BCO1: variants seen among roughly 807,000 people sequenced by gnomAD.
The protein encoded by BCO1 is beta-carotene oxygenase 1.
In BCO1, 54 loss-of-function variants were observed where a neutral mutation model predicts 56.3. The observed-to-expected ratio is 0.96, with a 90% CI of 0.77 to 1.20. The LOEUF is 1.20. Ranked by LOEUF, BCO1 falls within the 50% of genes most tolerant of loss-of-function variation. The pLI is 0.00. For missense variants in BCO1, 801 were observed against 690.9 expected (o/e 1.16, Z -1.79); for synonymous variants, 318 against 266.1 (o/e 1.20, Z -1.90).
At chr16:81,251,872 A>ATGTGTGTGTGTGTGTG (rs773100922) in intron 2 of BCO1, among the ~76,000 whole-genome samples, 6 of 117,280 alleles carry the variant, frequency 5.1e-5, no homozygotes, top group African/African-American at 2.6e-4. Context: ...ACACACACAT[A>ATGTGTGTGTGTGTGTG]TATGTGTGTG....
chr16:81,251,662 T>C (rs997313186), intron 2 of BCO1, among the ~76,000 whole-genome samples: 2 of 151,896 alleles, frequency 1.3e-5, no homozygotes, highest in Non-Finnish European at 2.9e-5. Context: ...GAACACTCCT[T>C]TCTGTACATC....
intron 1 of BCO1, among the ~76,000 whole-genome samples, chr16:81,241,059 C>G (rs1026439951): frequency 1.3e-5 from 2 of 152,096 alleles, no homozygotes; most frequent in Admixed American, 6.5e-5. Flanking sequence ...GTCGCAAACT[C>G]CCAACCTCAG....
At chr16:81,246,605 C>G (rs894698141) in intron 2 of BCO1, among the ~76,000 whole-genome samples, 22 of 127,718 alleles carry the variant, frequency 1.7e-4, no homozygotes, top group Admixed American at 1.0e-3. Context: ...AATTCCATCA[C>G]TTTGGGAGGC....
intron 7 of BCO1, among the ~76,000 whole-genome samples, chr16:81,270,692 C>CTCTGTGTGTGTGTGTGTG (rs146010684): frequency 1.0e-4 from 15 of 143,692 alleles, no homozygotes; most frequent in South Asian, 2.3e-4. Context: ...CTCTCTGTGT[C>CTCTGTGTGTGTGTGTGTG]TGTGTGTGTG....
intron 2 of BCO1, among the ~76,000 whole-genome samples, chr16:81,249,316 G>A (rs547092911): frequency 2.2e-4 from 34 of 151,940 alleles, no homozygotes; most frequent in Non-Finnish European, 3.5e-4. Context: ...GAGTGCAGTG[G>A]CACGATCTCG....
intron 7 of BCO1, among the ~76,000 whole-genome samples, chr16:81,277,041 G>A (rs1907597611): frequency 1.4e-5 from 2 of 145,302 alleles, no homozygotes; most frequent in African/African-American, 5.1e-5. Flanking sequence ...TATTCCGCCT[G>A]GATGACAGAG....
intron 3 of BCO1, among the ~76,000 whole-genome samples, chr16:81,260,924 C>G (rs1465623497): frequency 6.6e-6 from 1 of 152,220 alleles, no homozygotes; most frequent in Non-Finnish European, 1.5e-5. Flanking sequence ...TTCTGAAACT[C>G]TCTAGATGTA....
At chr16:81,252,626 C>A (rs1043758146) in intron 2 of BCO1, among the ~76,000 whole-genome samples, 1 of 152,170 alleles carries the variant, frequency 6.6e-6, no homozygotes, top group Admixed American at 6.5e-5. Flanking sequence ...GGTGGTGACT[C>A]CCAGCAACAG....
At chr16:81,244,027 C>A (rs1333690931) in intron 1 of BCO1, among the ~76,000 whole-genome samples, 1 of 152,254 alleles carries the variant, frequency 6.6e-6, no homozygotes, top group Non-Finnish European at 1.5e-5. Context: ...ATTCTGCATC[C>A]ATCACTGGGT....
At chr16:81,263,472 A>G (rs1248664364) in intron 4 of BCO1, 1 of 152,176 alleles carries the variant, frequency 6.6e-6, no homozygotes, top group Non-Finnish European at 1.5e-5. Flanking sequence ...ACTTAATGAC[A>G]TCTATAAAGA....
intron 1 of BCO1, among the ~76,000 whole-genome samples, chr16:81,242,501 C>T (rs751444684): frequency 2.6e-5 from 4 of 152,064 alleles, no homozygotes; most frequent in East Asian, 1.9e-4. Context: ...GCGCTGGCCT[C>T]GGCTGTCATT....
At chr16:81,262,017 C>G (rs367813216) in intron 3 of BCO1, 119 bp from the exon 4 acceptor site, 3 of 1,253,024 alleles carry the variant, frequency 2.4e-6, no homozygotes, top group African/African-American at 2.9e-5. Context: ...GCTGGGATTA[C>G]AGGCACCCGG....
intron 2 of BCO1, among the ~76,000 whole-genome samples, chr16:81,248,487 T>C (rs986524266): frequency 2.0e-5 from 3 of 152,032 alleles, no homozygotes; most frequent in Non-Finnish European, 4.4e-5. Context: ...GTGTACTCTA[T>C]GCCAGTGCCT....
intron 5 of BCO1, among the ~76,000 whole-genome samples, chr16:81,266,617 T>TA (rs1449051545): frequency 1.3e-5 from 2 of 152,116 alleles, no homozygotes; most frequent in Admixed American, 6.5e-5. Flanking sequence ...AAGCTCAGAA[T>TA]CCTAGAATGC....
At chr16:81,266,331 C>A (rs1027147560) in intron 5 of BCO1, among the ~76,000 whole-genome samples, 1 of 152,142 alleles carries the variant, frequency 6.6e-6, no homozygotes, top group Non-Finnish European at 1.5e-5. Context: ...CTCCTGGGAA[C>A]CACACCCAGG....
chr16:81,287,327 C>G lies in BCO1; in HGVS notation c.1335C>G (p.Ser445=). 4 of 1,614,042 alleles carry G rather than the reference C, an allele frequency of 2.5e-6. No homozygotes were observed. The highest frequency in any genetic ancestry group is 3.4e-6 in the Non-Finnish European group (4 of 1,179,922). ...IIKYDILTKS[S]LKWREDDCWP... ...AATATGACATTCTCACAAAGTCATC[C>G]TTAAAATGGAGAGAGGACGACTGCT... The change falls in exon 10 of 11, where the codon TCC becomes TCG. Residue 445 remains serine, a synonymous_variant. Transcript: ENST00000258168.
chr16:81,242,117 C>T (rs565682179), intron 1 of BCO1, among the ~76,000 whole-genome samples: 40 of 151,850 alleles, frequency 2.6e-4, no homozygotes, highest in African/African-American at 9.7e-4. Flanking sequence ...TCAAGCCTGC[C>T]CCCTCTCCTG....
At chr16:81,287,784 G>A (rs996741869) in intron 10 of BCO1, among the ~76,000 whole-genome samples, 1 of 152,132 alleles carries the variant, frequency 6.6e-6, no homozygotes, top group Non-Finnish European at 1.5e-5. Flanking sequence ...GCTTCCAGGT[G>A]CCTCTCCAAG....
At chr16:81,261,122 A>G (rs1183611293) in intron 3 of BCO1, among the ~76,000 whole-genome samples, 1 of 152,212 alleles carries the variant, frequency 6.6e-6, no homozygotes, top group Non-Finnish European at 1.5e-5. Flanking sequence ...AGGAGGAAAG[A>G]GCAAAGGAAT....
Sources: gnomAD v4.1 joint callset for allele counts (sites outside exome capture counted in the v4.1 genomes callset) on GRCh38, gnomAD v4.1.1 for gene constraint, MANE v1.5 for transcripts, NCBI Gene and HGNC (gene_info 2026-07-23, HGNC 2026-07-21) for gene names.